ADGRL3: variants seen among roughly 807,000 people sequenced by gnomAD.
The protein encoded by ADGRL3 is calcium-independent alpha-latrotoxin receptor 3.
In ADGRL3, 62 loss-of-function variants were observed where a neutral mutation model predicts 153.5. The ratio of observed to expected loss-of-function variants is 0.40; its 90% CI spans 0.33 to 0.50. The LOEUF (loss-of-function observed/expected upper bound fraction) is 0.50, where lower values mean the gene tolerates loss of function less well. Ranked by LOEUF, ADGRL3 falls within the 20% of genes least tolerant of loss-of-function variation. The probability of loss-of-function intolerance (pLI) is 0.47; values close to 1 mark genes in which losing one functional copy is unlikely to be tolerated. For synonymous variants in ADGRL3, 710 were observed against 672.5 expected (o/e 1.06, Z -0.86); for missense variants, 1,641 against 1,859.4 (o/e 0.88, Z 2.16).
intron 2 of ADGRL3, among the ~76,000 whole-genome samples, chr4:61,432,460 A>T (rs1046023564): frequency 6.6e-6 from 1 of 151,740 alleles, no homozygotes; most frequent in African/African-American, 2.4e-5. Flanking sequence ...TATTAACCAT[A>T]CTATTTTTCT....
At chr4:61,884,716 C>A (rs927858007) in intron 9 of ADGRL3, among the ~76,000 whole-genome samples, 1 of 151,842 alleles carries the variant, frequency 6.6e-6, no homozygotes, top group Non-Finnish European at 1.5e-5. Context: ...CCTCTGCCCG[C>A]GGGGTTCAAG....
At chr4:61,596,869 G>A (rs899787107) in intron 5 of ADGRL3, among the ~76,000 whole-genome samples, 1 of 151,926 alleles carries the variant, frequency 6.6e-6, no homozygotes, top group Non-Finnish European at 1.5e-5. Flanking sequence ...AAAAACTGTT[G>A]GGAAATAACT....
chr4:61,501,617 C>T (rs1366464654), intron 3 of ADGRL3, among the ~76,000 whole-genome samples: 3 of 152,086 alleles, frequency 2.0e-5, no homozygotes, highest in Non-Finnish European at 4.4e-5. Flanking sequence ...AAATTATTCT[C>T]ACTATGTAGG....
chr4:61,604,454 T>A (rs920200907), intron 5 of ADGRL3, among the ~76,000 whole-genome samples: 6 of 152,218 alleles, frequency 3.9e-5, no homozygotes, highest in African/African-American at 1.4e-4. Context: ...TCTCTTGGAA[T>A]GAAACAACGA....
At chr4:61,287,060 G>A (rs1169483023) in intron 1 of ADGRL3, among the ~76,000 whole-genome samples, 1 of 151,630 alleles carries the variant, frequency 6.6e-6, no homozygotes, top group Non-Finnish European at 1.5e-5. Context: ...CAATAAATAA[G>A]GGATTTTTTC....
chr4:61,893,673 C>T (rs2098605408), intron 10 of ADGRL3, among the ~76,000 whole-genome samples: 2 of 150,530 alleles, frequency 1.3e-5, no homozygotes, highest in South Asian at 2.1e-4. Context: ...GCATTGTTTC[C>T]TCTAGGGGAT....
chr4:61,664,165 A>T (rs2094703634), intron 5 of ADGRL3, among the ~76,000 whole-genome samples: 1 of 152,228 alleles, frequency 6.6e-6, no homozygotes, highest in Non-Finnish European at 1.5e-5. Context: ...GGGGGCAAAG[A>T]GATATGTAGT....
chr4:61,217,041 C>G (rs1661520655), intron 1 of ADGRL3, among the ~76,000 whole-genome samples: 1 of 152,166 alleles, frequency 6.6e-6, no homozygotes. Context: ...TTCATTAAAT[C>G]ATTAATTTTA....
chr4:61,684,803 A>C (rs1192513823), intron 6 of ADGRL3, among the ~76,000 whole-genome samples: 1 of 152,086 alleles, frequency 6.6e-6, no homozygotes, highest in Non-Finnish European at 1.5e-5. Flanking sequence ...TTGTATTCTA[A>C]AGGTTCACCT....
intron 17 of ADGRL3, among the ~76,000 whole-genome samples, chr4:61,949,698 TA>T (rs988426374): frequency 4.4e-4 from 65 of 147,040 alleles, no homozygotes; most frequent in South Asian, 4.1e-3. Flanking sequence ...CTGTCTCAAA[TA>T]AAAAAAAAAA....
chr4:61,206,937 C>T (rs112217906), intron 1 of ADGRL3, among the ~76,000 whole-genome samples: 6,238 of 151,712 alleles, frequency 0.041, 441 homozygotes, highest in African/African-American at 0.14. Context: ...GAGCCAAGAT[C>T]GTGTCACTGC....
At chr4:61,484,094 A>AT (rs556899656) in intron 2 of ADGRL3, among the ~76,000 whole-genome samples, 9 of 148,560 alleles carry the variant, frequency 6.1e-5, no homozygotes, top group East Asian at 2.0e-4. Flanking sequence ...CTCATCCCCG[A>AT]TTTTTTTTTT....
chr4:61,908,465 C>T (rs1018766358), intron 11 of ADGRL3, among the ~76,000 whole-genome samples: 9 of 151,906 alleles, frequency 5.9e-5, no homozygotes, highest in East Asian at 5.9e-4. Context: ...AGCATGGTGG[C>T]GGGCGCCTGT....
intron 1 of ADGRL3, among the ~76,000 whole-genome samples, chr4:61,276,200 T>A (rs1197061209): frequency 6.6e-6 from 1 of 152,136 alleles, no homozygotes; most frequent in Non-Finnish European, 1.5e-5. Flanking sequence ...ATCTTTAGTA[T>A]GTTGACATCC....
chr4:61,902,282 C>T (rs1036716133), intron 11 of ADGRL3, among the ~76,000 whole-genome samples: 1 of 152,066 alleles, frequency 6.6e-6, no homozygotes, highest in Non-Finnish European at 1.5e-5. Flanking sequence ...TGGTGACTCC[C>T]TTTCCTTCCC....
intron 4 of ADGRL3, among the ~76,000 whole-genome samples, chr4:61,526,210 G>A (rs982934169): frequency 5.9e-5 from 9 of 152,108 alleles, no homozygotes; most frequent in Admixed American, 3.3e-4. Flanking sequence ...GGTGATCACC[G>A]AGCATGAGCT....
At chr4:61,933,717 A>C (rs2098827090) in intron 13 of ADGRL3, 1 of 152,130 alleles carries the variant, frequency 6.6e-6, no homozygotes. Flanking sequence ...CTGCATTTTT[A>C]ACAGTTGTTA....
chr4:61,343,950 T>A (rs1437256833), intron 1 of ADGRL3, among the ~76,000 whole-genome samples: 2 of 152,232 alleles, frequency 1.3e-5, no homozygotes, highest in South Asian at 4.1e-4. Context: ...TATGTGCTTG[T>A]TTAGTCACTC....
chr4:61,849,392 A>G (rs952120222), intron 9 of ADGRL3, among the ~76,000 whole-genome samples: 3 of 152,148 alleles, frequency 2.0e-5, no homozygotes, highest in Admixed American at 6.6e-5. Context: ...TTTCCTTACT[A>G]CACAGCCTCA....
Sources: allele counts gnomAD v4.1 joint callset (sites outside exome capture counted in the v4.1 genomes callset), GRCh38; gene constraint gnomAD v4.1.1; transcripts MANE v1.5; gene names NCBI Gene and HGNC (gene_info 2026-07-23, HGNC 2026-07-21).